The following PRELID2 variants were observed in gnomAD, a reference collection of about 807,000 sequenced individuals.
PRELID2 encodes PRELI domain-containing protein 2.
PRELID2 carries 25 observed loss-of-function variants against 28.4 expected under a neutral mutation model. The ratio of observed to expected loss-of-function variants is 0.88; its 90% CI spans 0.64 to 1.23. PRELID2 has a LOEUF of 1.23. Ranked by LOEUF, PRELID2 falls within the 50% of genes most tolerant of loss-of-function variation. PRELID2 has a pLI of 0.00. For missense variants in PRELID2, 201 were observed against 214.4 expected, an observed-to-expected ratio of 0.94 and a Z score of 0.39; for synonymous variants, 76 against 71.6, an observed-to-expected ratio of 1.06 and a Z score of -0.31.
the PRELID2 span, among the ~76,000 whole-genome samples, chr5:145,431,550 A>G: frequency 1.2e-4 from 19 of 152,244 alleles, no homozygotes; most frequent in Non-Finnish European, 2.5e-4. Flanking sequence ...TCATCAGTAA[A>G]GGGACAAATC....
At chr5:145,804,028 C>T (rs1753329209) in intron 4 of PRELID2, among the ~76,000 whole-genome samples, 1 of 152,164 alleles carries the variant, frequency 6.6e-6, no homozygotes, top group Admixed American at 6.6e-5. Context: ...CTCCTAAGCG[C>T]TTTCCCTCTG....
the PRELID2 span, among the ~76,000 whole-genome samples, chr5:145,410,140 C>T: frequency 1.3e-5 from 2 of 152,200 alleles, no homozygotes; most frequent in Non-Finnish European, 1.5e-5. Context: ...TCTCATCTCT[C>T]ACCTTATACA....
At chr5:145,794,251 T>C (rs1053810450) in intron 5 of PRELID2, among the ~76,000 whole-genome samples, 1 of 152,148 alleles carries the variant, frequency 6.6e-6, no homozygotes, top group Non-Finnish European at 1.5e-5. Context: ...GCTGGCAGTG[T>C]TCAGTTCCCA....
At chr5:145,337,746 C>G in the PRELID2 span, among the ~76,000 whole-genome samples, 2 of 143,824 alleles carry the variant, frequency 1.4e-5, no homozygotes, top group Admixed American at 6.9e-5. Context: ...CACACACACA[C>G]ACACACACAC....
At chr5:145,660,518 G>GA (rs1166098764) in intron 1 of PRELID2, among the ~76,000 whole-genome samples, 1 of 152,120 alleles carries the variant, frequency 6.6e-6, no homozygotes, top group African/African-American at 2.4e-5. Context: ...GGAAGACTGA[G>GA]AAAAAATGCA....
chr5:145,657,280 A>C (rs1001318829), intron 1 of PRELID2, among the ~76,000 whole-genome samples: 1 of 152,208 alleles, frequency 6.6e-6, no homozygotes, highest in African/African-American at 2.4e-5. Context: ...GAATTTTTTT[A>C]AAATAGAAAA....
chr5:145,776,481 A>G (rs1561594854), intron 5 of PRELID2, among the ~76,000 whole-genome samples: 1 of 152,096 alleles, frequency 6.6e-6, no homozygotes, highest in South Asian at 2.1e-4. Context: ...AGAAAAAAAA[A>G]TCATATGCTG....
the PRELID2 span, among the ~76,000 whole-genome samples, chr5:145,255,784 A>T: frequency 6.6e-6 from 1 of 152,006 alleles, no homozygotes; most frequent in African/African-American, 2.4e-5. Flanking sequence ...CTGTCTCAAA[A>T]ACTATATATA....
At chr5:145,478,212 C>T (rs1390828619) in intron 1 of PRELID2, among the ~76,000 whole-genome samples, 2 of 152,026 alleles carry the variant, frequency 1.3e-5, no homozygotes, top group Non-Finnish European at 2.9e-5. Flanking sequence ...TAGAGCTGTG[C>T]TCACGTGAAA....
the PRELID2 span, among the ~76,000 whole-genome samples, chr5:145,244,132 T>C: frequency 6.6e-6 from 1 of 152,040 alleles, no homozygotes; most frequent in Admixed American, 6.6e-5. Context: ...TTTTTGTATT[T>C]TCAGTAGAGA....
At chr5:145,819,892 T>C in intron 3 of PRELID2, 53 bp downstream of exon 3, 1 of 1,095,672 alleles carries the variant, frequency 9.1e-7, no homozygotes, top group Admixed American at 1.9e-5. Flanking sequence ...TTTTCATGAC[T>C]ATTAAAAATT....
chr5:145,279,727 G>A, the PRELID2 span, among the ~76,000 whole-genome samples: 2 of 151,024 alleles, frequency 1.3e-5, no homozygotes, highest in Admixed American at 6.6e-5. Context: ...TAATGTCACT[G>A]CTATTTTATC....
At chr5:145,656,394 A>C (rs1754394150) in intron 1 of PRELID2, among the ~76,000 whole-genome samples, 1 of 152,154 alleles carries the variant, frequency 6.6e-6, no homozygotes, top group Non-Finnish European at 1.5e-5. Context: ...CAGCCATCCT[A>C]TTACTGGGTA....
At chr5:145,246,058 A>C in the PRELID2 span, among the ~76,000 whole-genome samples, 2 of 152,058 alleles carry the variant, frequency 1.3e-5, no homozygotes, top group Non-Finnish European at 2.9e-5. Flanking sequence ...CCTTGAACTG[A>C]GGAAACGAGA....
At chr5:145,663,930 T>A (rs1754540653) in intron 1 of PRELID2, among the ~76,000 whole-genome samples, 2 of 152,112 alleles carry the variant, frequency 1.3e-5, no homozygotes, top group Admixed American at 1.3e-4. Flanking sequence ...GCTAGGGACA[T>A]CTGTTCCTCA....
intron 4 of PRELID2, among the ~76,000 whole-genome samples, chr5:145,813,602 G>A (rs770221991): frequency 6.6e-6 from 1 of 152,094 alleles, no homozygotes; most frequent in Non-Finnish European, 1.5e-5. Context: ...TCGTATCTTG[G>A]CTTAGCAATC....
the PRELID2 span, among the ~76,000 whole-genome samples, chr5:145,252,638 A>G: frequency 6.6e-6 from 1 of 152,234 alleles, no homozygotes; most frequent in East Asian, 1.9e-4. Flanking sequence ...CCCAGGAAAC[A>G]TATGTGCATT....
intron 1 of PRELID2, among the ~76,000 whole-genome samples, chr5:145,619,038 C>T (rs559737666): frequency 1.8e-4 from 27 of 152,266 alleles, no homozygotes; most frequent in African/African-American, 6.0e-4. Context: ...ACCATACCCC[C>T]GCTAACAGCA....
chr5:145,738,060 T>C (rs564058401), intron 1 of PRELID2, among the ~76,000 whole-genome samples: 2 of 152,250 alleles, frequency 1.3e-5, no homozygotes, highest in African/African-American at 2.4e-5. Context: ...CAGGGTGATA[T>C]CAGTGGAGTC....
Sources: gnomAD v4.1 joint callset for allele counts (sites outside exome capture counted in the v4.1 genomes callset) on GRCh38, gnomAD v4.1.1 for gene constraint, MANE v1.5 for transcripts, NCBI Gene and HGNC (gene_info 2026-07-23, HGNC 2026-07-21) for gene names.